SIPA1L3: variants seen among roughly 807,000 people sequenced by gnomAD.
SIPA1L3 encodes signal-induced proliferation-associated 1-like protein 3.
A neutral mutation model predicts 150.1 loss-of-function variants in SIPA1L3; 59 were observed. The observed-to-expected ratio is 0.39, with a 90% CI of 0.32 to 0.49. The LOEUF (loss-of-function observed/expected upper bound fraction) is 0.49. Among genes scored for constraint, SIPA1L3 ranks in the 20% least tolerant of loss-of-function variants. The probability of loss-of-function intolerance (pLI) is 0.86; values close to 1 mark genes in which losing one functional copy is unlikely to be tolerated. For missense variants in SIPA1L3, 2,211 were observed against 2,489.5 expected, an observed-to-expected ratio of 0.89 and a Z score of 2.38; for synonymous variants, 1,070 against 1,077.6, an observed-to-expected ratio of 0.99 and a Z score of 0.14.
chr19:38,200,124 G>A (rs1372033278), intron 19 of SIPA1L3: 1 of 152,150 alleles, frequency 6.6e-6, no homozygotes, highest in East Asian at 1.9e-4. Context: ...CCAGGCTGGA[G>A]TTCAGTGGCG....
intron 2 of SIPA1L3, among the ~76,000 whole-genome samples, chr19:38,039,845 T>A (rs901804199): frequency 6.6e-6 from 1 of 151,628 alleles, no homozygotes; most frequent in Admixed American, 6.6e-5. Flanking sequence ...TTCAGCAGGG[T>A]ACAGTGGCTC....
chr19:37,926,860 A>G lies in SIPA1L3; in HGVS notation c.-379+19502A>G, dbSNP rs556241986. 4.6e-5 allele frequency among the ~76,000 whole-genome samples: 7 copies of G among 152,294 alleles called. No individual in the cohort carries two copies. The East Asian group carries it at 1.4e-3, about 29-fold the overall frequency. On this transcript the variant is annotated intron_variant, in intron 1 of 21. Coordinates refer to ENST00000222345, the MANE Select transcript of SIPA1L3 (RefSeq NM_015073.3). ...AGGCAATGTATGTAGCGTCTGCTGCATGCAAGACACTGTGCCGGGCCCTTC... is the reference window on the plus strand; with the variant it reads ...AGGCAATGTATGTAGCGTCTGCTGCGTGCAAGACACTGTGCCGGGCCCTTC...
rs146973249 is a variant in SIPA1L3 at position 37,974,009 on chromosome 19, G to T, written c.-378-55080G>T. ...TCAGGCCTCCGGCAGCAAATTAACA[G>T]GACATGGGCAGCCCAGAGGCAAAGT... On this transcript the variant is annotated intron_variant, in intron 1 of 21. Coordinates refer to ENST00000222345, the MANE Select transcript of SIPA1L3 (RefSeq NM_015073.3). 4.6e-5 allele frequency among the ~76,000 whole-genome samples: 7 copies of T among 152,308 alleles called. No individual in the cohort carries two copies. The East Asian group carries it at 1.4e-3, about 29-fold the overall frequency.
At chr19:37,940,674 G>A (rs139920056) in intron 1 of SIPA1L3, among the ~76,000 whole-genome samples, 6 of 152,078 alleles carry the variant, frequency 3.9e-5, no homozygotes, top group East Asian at 3.9e-4. Context: ...TCCGTCTCCC[G>A]AGTTCAGGCG....
intron 19 of SIPA1L3, among the ~76,000 whole-genome samples, chr19:38,199,332 C>T (rs906312838): frequency 2.0e-5 from 3 of 152,182 alleles, no homozygotes; most frequent in Admixed American, 1.3e-4. Context: ...ATGCCATCAG[C>T]GGTTGTAGTG....
At chr19:37,938,631 T>C (rs982396301) in intron 1 of SIPA1L3, among the ~76,000 whole-genome samples, 5 of 150,936 alleles carry the variant, frequency 3.3e-5, no homozygotes, top group Admixed American at 2.0e-4. Context: ...TTTCTTTTTT[T>C]TTTTTTTTTT....
At chr19:37,967,191 G>C (rs1302425017) in intron 1 of SIPA1L3, among the ~76,000 whole-genome samples, 2 of 151,760 alleles carry the variant, frequency 1.3e-5, no homozygotes, top group African/African-American at 4.8e-5. Flanking sequence ...GCAGCACCCT[G>C]ATCTCTGCCC....
intron 1 of SIPA1L3, among the ~76,000 whole-genome samples, chr19:38,018,101 T>C (rs1304553705): frequency 1.3e-5 from 2 of 151,442 alleles, no homozygotes; most frequent in Non-Finnish European, 2.9e-5. Flanking sequence ...TTTTTTTTTT[T>C]CTTAGAGAAT....
Position 38,081,812 on chromosome 19 carries a change from G to T in SIPA1L3, c.247G>T (p.Val83Leu). ...GCCCAAGATGGGCGTGCGCGCAAGG[G>T]TGGCCGACTGGCCGCCCAAGCGGGA... is the stretch of plus-strand genomic sequence containing the variant. ...AMPKMGVRAR[V>L]ADWPPKREAL... Residue 83 changes from valine (V) to leucine (L), a missense_variant, in exon 3 of 22, where the codon GTG becomes TTG. Around this residue, in one of 5 missense-constraint regions of SIPA1L3, gnomAD observed 130 missense variants for 174.5 expected, o/e 0.74. Transcript: ENST00000222345. The T allele has an allele frequency of 6.2e-7, 1 of 1,613,520 alleles. No individual in the cohort carries two copies. Among genetic ancestry groups the T allele is most frequent in the East Asian group, 2.2e-5 (1 of 44,848 alleles).
At chr19:38,020,057 C>T (rs1184363164) in intron 1 of SIPA1L3, among the ~76,000 whole-genome samples, 1 of 152,074 alleles carries the variant, frequency 6.6e-6, no homozygotes, top group Non-Finnish European at 1.5e-5. Context: ...TGCACCACTG[C>T]ACTCCACCCT....
chr19:37,930,665 A>T (rs1197935347), intron 1 of SIPA1L3, among the ~76,000 whole-genome samples: 1 of 152,070 alleles, frequency 6.6e-6, no homozygotes, highest in Non-Finnish European at 1.5e-5. Flanking sequence ...GCTGAGTGCA[A>T]GTTCTTGATC....
At position 38,110,369 on chromosome 19, in the gene SIPA1L3, A is replaced by G; in HGVS notation, c.2276A>G (p.Asp759Gly). The change falls in exon 8 of 22, where the codon GAT becomes GGT. Residue 759 changes from aspartate to glycine, a missense_variant. By Grantham distance (94) the Asp-to-Gly change is moderately conservative (BLOSUM62 -1). This residue lies in a region of SIPA1L3 where 625 missense variants were observed against 804.2 expected (regional missense o/e 0.78). Coordinates refer to ENST00000222345, the MANE Select transcript of SIPA1L3 (RefSeq NM_015073.3). ...GTCCGAGTCCACAACCCCTGCACTG[A>G]TAACGTCTGTTACAGGTATGCCCCC... ...IIVRVHNPCT[D>G]NVCYSMAVTR... 6.2e-7 allele frequency: 1 copy of G among 1,613,286 alleles called. No individual in the cohort carries two copies. Among genetic ancestry groups the G allele is most frequent in the Non-Finnish European group, 8.5e-7 (1 of 1,179,542 alleles).
At chr19:38,077,872 T>C (rs1223829809) in intron 2 of SIPA1L3, among the ~76,000 whole-genome samples, 1 of 151,944 alleles carries the variant, frequency 6.6e-6, no homozygotes, top group African/African-American at 2.4e-5. Flanking sequence ...GGTTTCACCA[T>C]GTTAGCCAGG....
chr19:37,934,703 G>A (rs573839620), intron 1 of SIPA1L3, among the ~76,000 whole-genome samples: 2 of 136,408 alleles, frequency 1.5e-5, no homozygotes, highest in Non-Finnish European at 3.1e-5. Context: ...GCATCCTCCC[G>A]CAATCCTTCA....
intron 9 of SIPA1L3, among the ~76,000 whole-genome samples, chr19:38,129,460 C>T (rs1033673664): frequency 6.6e-6 from 1 of 151,934 alleles, no homozygotes; most frequent in Non-Finnish European, 1.5e-5. Flanking sequence ...CCCGTCTCTA[C>T]TAAAAATACA....
chr19:38,158,222 T>C (rs1057512439), intron 13 of SIPA1L3, among the ~76,000 whole-genome samples: 13 of 151,826 alleles, frequency 8.6e-5, no homozygotes, highest in African/African-American at 3.1e-4. Flanking sequence ...AACAGAGCAG[T>C]CTCTGTCTCA....
At chr19:38,197,136 G>T (rs919954404) in intron 18 of SIPA1L3, among the ~76,000 whole-genome samples, 1 of 152,006 alleles carries the variant, frequency 6.6e-6, no homozygotes, top group Non-Finnish European at 1.5e-5. Flanking sequence ...CCCCGCCTCC[G>T]CCAGCCTCAC....
intron 1 of SIPA1L3, among the ~76,000 whole-genome samples, chr19:37,983,400 G>A (rs566190836): frequency 1.2e-4 from 19 of 152,152 alleles, no homozygotes; most frequent in Non-Finnish European, 1.9e-4. Flanking sequence ...CCTGCCCCAC[G>A]GAGCAGTTGT....
chr19:38,056,896 A>G (rs1279010203), intron 2 of SIPA1L3, among the ~76,000 whole-genome samples: 2 of 152,152 alleles, frequency 1.3e-5, no homozygotes, highest in African/African-American at 4.8e-5. Context: ...CCTCTCTACA[A>G]AAAATTTAAA....
Sources: allele counts gnomAD v4.1 joint callset (sites outside exome capture counted in the v4.1 genomes callset), GRCh38; gene constraint gnomAD v4.1.1; regional missense constraint gnomAD v4.1.1; transcripts MANE v1.5; gene names NCBI Gene and HGNC (gene_info 2026-07-23, HGNC 2026-07-21).